Variants in JAKMIP1 observed in about 807,000 individuals in gnomAD.
The protein encoded by JAKMIP1 is janus kinase and microtubule-interacting protein 1.
Under a neutral mutation model 113.0 loss-of-function variants are expected in JAKMIP1, and 33 were observed. That is an observed-to-expected ratio of 0.29 (90% CI 0.22 to 0.39). JAKMIP1 has a LOEUF of 0.39. JAKMIP1 is among the 10% of genes least tolerant of loss of function. The probability of loss-of-function intolerance (pLI) is 1.00; values close to 1 mark genes in which losing one functional copy is unlikely to be tolerated. For synonymous variants in JAKMIP1, 480 were observed against 459.9 expected (o/e 1.04, Z -0.56); for missense variants, 813 against 1,080.5 (o/e 0.75, Z 3.47).
intron 1 of JAKMIP1, among the ~76,000 whole-genome samples, chr4:6,122,057 A>G (rs1239297149): frequency 6.6e-6 from 1 of 152,250 alleles, no homozygotes; most frequent in Non-Finnish European, 1.5e-5. Flanking sequence ...AAAATAGCAT[A>G]GACAGGGCCG....
At chr4:6,189,160 A>T (rs1371434310) in intron 1 of JAKMIP1, among the ~76,000 whole-genome samples, 1 of 152,218 alleles carries the variant, frequency 6.6e-6, no homozygotes, top group Non-Finnish European at 1.5e-5. Flanking sequence ...ATGGAATAAG[A>T]AATGTGACCT....
At chr4:6,028,745 A>G (rs956292204) in intron 20 of JAKMIP1, among the ~76,000 whole-genome samples, 1 of 151,598 alleles carries the variant, frequency 6.6e-6, no homozygotes, top group South Asian at 2.1e-4. Context: ...TTCAGGTGGG[A>G]CCCCCTCTTC....
chr4:6,084,797 C>A, intron 5 of JAKMIP1, 49 bp downstream of exon 5: 5 of 1,551,386 alleles, frequency 3.2e-6, no homozygotes, highest in Non-Finnish European at 4.3e-6. Context: ...GACTCAGGGC[C>A]CCTTCCTTGC....
intron 1 of JAKMIP1, among the ~76,000 whole-genome samples, chr4:6,170,853 T>C: frequency 7.6e-6 from 1 of 131,954 alleles, no homozygotes; most frequent in East Asian, 2.6e-4. Flanking sequence ...ACCATCCCCA[T>C]CACCATGACC....
intron 1 of JAKMIP1, among the ~76,000 whole-genome samples, chr4:6,117,092 C>T (rs1292137730): frequency 3.3e-5 from 5 of 152,210 alleles, no homozygotes; most frequent in Non-Finnish European, 4.4e-5. Flanking sequence ...CAGCACAGCT[C>T]GTGTGCCCGT....
chr4:6,133,053 A>G (rs1267050533), intron 1 of JAKMIP1, among the ~76,000 whole-genome samples: 1 of 152,218 alleles, frequency 6.6e-6, no homozygotes, highest in East Asian at 1.9e-4. Flanking sequence ...AGATCTTTGT[A>G]ATAAATTCAA....
chr4:6,170,912 GCCACCACCTTTCTTACCATCACCA>G (rs1240203135), intron 1 of JAKMIP1, among the ~76,000 whole-genome samples: 1 of 107,124 alleles, frequency 9.3e-6, no homozygotes, highest in African/African-American at 3.6e-5. Flanking sequence ...CACCATCACC[GCCACCACCTTTCTTACCATCACCA>G]CCACCACCAG....
chr4:6,171,057 C>G (rs1345083690), intron 1 of JAKMIP1, among the ~76,000 whole-genome samples: 1 of 138,230 alleles, frequency 7.2e-6, no homozygotes, highest in South Asian at 2.7e-4. Flanking sequence ...CATCACCATG[C>G]TGACCACCAT....
intron 1 of JAKMIP1, among the ~76,000 whole-genome samples, chr4:6,144,591 T>C (rs954158167): frequency 5.9e-5 from 9 of 152,202 alleles, no homozygotes; most frequent in Admixed American, 1.3e-4. Flanking sequence ...AATCAATCCA[T>C]GTATTATACC....
Position 6,105,929 on chromosome 4 carries a change from C to G in JAKMIP1, c.168G>C (p.Leu56=). The G allele has an allele frequency of 6.2e-7, 1 of 1,609,452 alleles. No homozygotes were observed. Among genetic ancestry groups the G allele is most frequent in the East Asian group, 2.2e-5 (1 of 44,826 alleles). Residue 56 remains leucine (L), a synonymous_variant, in exon 3 of 21, where the codon CTG becomes CTC. Transcript: ENST00000409021. ...GCCGTCGCTGCTCCTGCTCGCGCTC[C>G]AGCTTCGCCTCCTGCAGCCGCTCGC... ...KLRERLQEAK[L]EREQEQRRHT...
intron 19 of JAKMIP1, among the ~76,000 whole-genome samples, chr4:6,034,531 G>A (rs4358336): frequency 0.13 from 20,051 of 152,190 alleles, 2,098 homozygotes; most frequent in African/African-American, 0.28. Context: ...GATGGGCACG[G>A]TGGCTCACTC....
At position 6,044,744 on chromosome 4, in the gene JAKMIP1, A is replaced by C. The variant is rs1034129659; in HGVS notation, c.2029-2517T>G. Among the ~76,000 whole-genome samples, 7 of 152,246 alleles carry C rather than the reference A, an allele frequency of 4.6e-5. No homozygotes were observed. Among genetic ancestry groups the C allele is most frequent in the Non-Finnish European group, 8.8e-5 (6 of 68,042 alleles). ...GTCGTTTAAAAAATTGCATATAAAA[A>C]ATAAATTCAACAAGACCTTTTAGCA... On this transcript the variant is annotated intron_variant, in intron 16 of 20. Transcript: ENST00000409021. The surrounding 1 kb of genome is among the most constrained non-coding windows in gnomAD (Gnocchi z 4.4).
rs181439049 is a variant in JAKMIP1, at chr4:6,162,463, G to A, written c.-148+37790C>T. On this transcript the variant is annotated intron_variant, in intron 1 of 20. Transcript: ENST00000409021. This position sits in a 1 kb window ranked among gnomAD's most constrained non-coding sequence, Gnocchi z 5.6. ...ATGAGCCAAGTGACAGGGGCAGATG[G>A]AGCCAGGGCCCTTGGTCCCTTCTAC... Among the ~76,000 whole-genome samples the A allele has an allele frequency of 2.3e-4, 35 of 152,302 alleles. No homozygotes were observed. Among genetic ancestry groups the A allele is most frequent in the African/African-American group, 8.4e-4 (35 of 41,558 alleles).
chr4:6,081,603 G>A lies in JAKMIP1; in HGVS notation c.1101+6C>T. 6.2e-7 allele frequency: 1 copy of A among 1,614,102 alleles called. No homozygotes were observed. Among genetic ancestry groups the A allele is most frequent in the Non-Finnish European group, 8.5e-7 (1 of 1,179,994 alleles). On this transcript the variant is annotated splice_donor_region_variant and intron_variant, in intron 6 of 20. Transcript: ENST00000409021. This position sits in a 1 kb window ranked among gnomAD's most constrained non-coding sequence, Gnocchi z 4.6. ...CAGGGCTGTCCCCAAGGGGTCCACA[G>A]CTCACCATTTCCACGTTTTCCCGCG...
chr4:6,140,121 A>G lies in JAKMIP1; in HGVS notation c.-147-27124T>C, dbSNP rs1382824319. On this transcript the variant is annotated intron_variant, in intron 1 of 20. Coordinates refer to ENST00000409021, the MANE Select transcript of JAKMIP1 (RefSeq NM_001099433.2). This position sits in a 1 kb window ranked among gnomAD's most constrained non-coding sequence, Gnocchi z 9.4. ...GATGTACTGAGAATAGCTATGAACTATTGTCCCAGTTTTTTGGAGACCAAT... is the reference window on the plus strand; with the variant it reads ...GATGTACTGAGAATAGCTATGAACTGTTGTCCCAGTTTTTTGGAGACCAAT... 1.3e-5 allele frequency among the ~76,000 whole-genome samples: 2 copies of G among 152,124 alleles called. No individual in the cohort carries two copies. The highest frequency in any genetic ancestry group is 2.9e-5 in the Non-Finnish European group (2 of 68,034).
Position 6,051,177 on chromosome 4 carries a change from C to T in JAKMIP1, c.1807-498G>A, listed in dbSNP as rs1372370234. On this transcript the variant is annotated intron_variant, in intron 13 of 20. Transcript: ENST00000409021. The surrounding 1 kb of genome is among the most constrained non-coding windows in gnomAD (Gnocchi z 5.0). The stretch of plus-strand genomic sequence containing the variant: ...GTGTCTGAGGTCCCACGCTAGCAAG[C>T]GGCAGGGCCAGGACCCCAAAGGCTG... Among the ~76,000 whole-genome samples, 1 of 151,232 alleles carries T rather than the reference C, an allele frequency of 6.6e-6. No individual in the cohort carries two copies. Among genetic ancestry groups the T allele is most frequent in the Non-Finnish European group, 1.5e-5 (1 of 67,922 alleles).
At chr4:6,111,015 T>C (rs1714846550) in intron 2 of JAKMIP1, among the ~76,000 whole-genome samples, 1 of 152,016 alleles carries the variant, frequency 6.6e-6, no homozygotes, top group Admixed American at 6.5e-5. Flanking sequence ...GCCTGGAATC[T>C]TGAACACCTA....
At chr4:6,195,008 C>T (rs903751140) in intron 1 of JAKMIP1, among the ~76,000 whole-genome samples, 3 of 152,218 alleles carry the variant, frequency 2.0e-5, no homozygotes, top group African/African-American at 7.2e-5. Flanking sequence ...TGATCCTAGA[C>T]TAGGCCTTTC....
At position 6,093,887 on chromosome 4, in the gene JAKMIP1, G is replaced by A. The variant is rs1427179076; in HGVS notation, c.625-8258C>T. Among the ~76,000 whole-genome samples the A allele has an allele frequency of 6.6e-6, 1 of 152,070 alleles. No homozygotes were observed. The highest frequency in any genetic ancestry group is 1.9e-4 in the East Asian group (1 of 5,172). ...AATGTGTCTGGTCAACCTGTGTGCA[G>A]GGCTCCAGAGTCCCACCTGCCCAGG... On this transcript the variant is annotated intron_variant, in intron 3 of 20. Coordinates refer to ENST00000409021, the MANE Select transcript of JAKMIP1 (RefSeq NM_001099433.2). The surrounding 1 kb of genome is among the most constrained non-coding windows in gnomAD (Gnocchi z 4.6).
Sources: allele counts gnomAD v4.1 joint callset (sites outside exome capture counted in the v4.1 genomes callset), GRCh38; gene constraint gnomAD v4.1.1; non-coding constraint Gnocchi (gnomAD v3.1); transcripts MANE v1.5; gene names NCBI Gene and HGNC (gene_info 2026-07-23, HGNC 2026-07-21).